Variants in TLCD5 observed in about 807,000 individuals in gnomAD.
The protein encoded by TLCD5 is TLC domain-containing protein 5.
In TLCD5, 15 loss-of-function variants were observed where a neutral mutation model predicts 20.5. That is an observed-to-expected ratio of 0.73 (90% CI 0.49 to 1.13). The LOEUF is 1.13. Among genes scored for constraint, TLCD5 ranks in the 50% most tolerant of loss-of-function variants. The pLI, the probability that TLCD5 is intolerant of heterozygous loss-of-function variation, is 0.00. For missense variants in TLCD5, 289 were observed against 305.6 expected (o/e 0.95, Z 0.41); for synonymous variants, 107 against 114.7 (o/e 0.93, Z 0.43).
At chr11:120,325,390 C>G (rs945508971) in intron 1 of TLCD5, 22 bp downstream of exon 1, 1 of 152,168 alleles carries the variant, frequency 6.6e-6, no homozygotes, top group Non-Finnish European at 1.5e-5. Context: ...GCGCGAACTG[C>G]CCGGCCGGGG....
intron 1 of TLCD5, chr11:120,327,229 A>G (rs1942021423): frequency 2.5e-6 from 2 of 791,782 alleles, no homozygotes; most frequent in East Asian, 2.7e-5. Context: ...AACATTGACC[A>G]GTTGCTAACA....
At position 120,331,972 on chromosome 11, in the gene TLCD5, T is replaced by C. The variant is rs1010211383; in HGVS notation, c.*1457T>C. 1 of 152,162 alleles carries C rather than the reference T, an allele frequency of 6.6e-6. No homozygotes were observed. Among genetic ancestry groups the C allele is most frequent in the Non-Finnish European group, 1.5e-5 (1 of 68,032 alleles). The allele number at this position is 152,162 out of a possible 1,614,324, so 9.4% of individuals were successfully genotyped here. On this transcript the variant is annotated 3_prime_UTR_variant, in exon 3 of 3. Transcript: ENST00000375095. This position sits in a 1 kb window ranked among gnomAD's most constrained non-coding sequence, Gnocchi z 4.5. ...TTTTTTTTTTTCATTTTAGATACTT[T>C]CCCTTTTAGTACTCCTCCTACTTTT...
At position 120,330,085 on chromosome 11, in the gene TLCD5, T is replaced by C. The variant is rs766005626; in HGVS notation, c.308T>C (p.Leu103Pro). ...VYFQSEGALM[L>P]AHHTLSILGI... Reference sequence around the variant, plus strand: ...TTTCAGTCTGAGGGTGCCTTGATGCTGGCTCATCACACATTGAGTATCTTG... The same window carrying C: ...TTTCAGTCTGAGGGTGCCTTGATGCCGGCTCATCACACATTGAGTATCTTG... The change falls in exon 3 of 3, where the codon CTG becomes CCG. Residue 103 changes from leucine to proline, a missense_variant. Physicochemically the swap from Leu to Pro is moderately conservative, Grantham distance 98 (BLOSUM62 -3). Transcript: ENST00000375095. 12 of 1,614,090 alleles carry C rather than the reference T, an allele frequency of 7.4e-6. No homozygotes were observed. The highest frequency in any genetic ancestry group is 7.6e-6 in the Non-Finnish European group (9 of 1,180,042).
rs561839936 is a variant in TLCD5 at position 120,332,016 on chromosome 11, G to A, written c.*1501G>A. The stretch of plus-strand genomic sequence containing the variant: ...TACTTTTCTTATTTTTACTAAAAAG[G>A]TACCACTCTATGAACAAACTAATAA... On this transcript the variant is annotated 3_prime_UTR_variant, in exon 3 of 3. Transcript: ENST00000375095. This position sits in a 1 kb window ranked among gnomAD's most constrained non-coding sequence, Gnocchi z 4.2. 2.8e-4 allele frequency: 43 copies of A among 151,984 alleles called. No individual in the cohort carries two copies. Among genetic ancestry groups the A allele is most frequent in the African/African-American group, 1.0e-3 (42 of 41,418 alleles). The allele number at this position is 151,984 out of a possible 1,614,324, so 9.4% of individuals were successfully genotyped here. A position where few individuals can be genotyped will look rare whatever the true frequency, so the allele number is the denominator to read the frequency against.
At chr11:120,328,804 A>G (rs113901469) in intron 2 of TLCD5, among the ~76,000 whole-genome samples, 4 of 104,254 alleles carry the variant, frequency 3.8e-5, no homozygotes, top group Non-Finnish European at 6.1e-5. Context: ...ATATGTATGC[A>G]TATCTGTGTC....
In TLCD5 at chr11:120,327,047, G is replaced by A. The variant is rs190918782; in HGVS notation, c.-1-394G>A. ...CAGTGTTCTGTTTTTTCATGAGTGC[G>A]TTTCATTGGGGTTTTTGAACTGTGA... On this transcript the variant is annotated intron_variant, in intron 1 of 2. Coordinates refer to ENST00000375095, the MANE Select transcript of TLCD5 (RefSeq NM_001198671.2). The A allele has an allele frequency of 1.9e-3, 517 of 271,124 alleles. 2 individuals are homozygous for A. The highest frequency in any genetic ancestry group is 3.0e-3 in the Non-Finnish European group (428 of 142,650). The allele number at this position is 271,124 out of a possible 1,614,324, so 16.8% of individuals were successfully genotyped here.
intron 1 of TLCD5, among the ~76,000 whole-genome samples, chr11:120,326,041 C>T (rs1271488867): frequency 6.6e-6 from 1 of 152,182 alleles, no homozygotes; most frequent in Non-Finnish European, 1.5e-5. Context: ...ACCTGGGATA[C>T]TTTGTATTTC....
In TLCD5 at chr11:120,330,054, G is replaced by T; in HGVS notation, c.277G>T (p.Val93Phe). The T allele has an allele frequency of 6.2e-7, 1 of 1,614,108 alleles. No individual in the cohort carries two copies. Among genetic ancestry groups the T allele is most frequent in the Non-Finnish European group, 8.5e-7 (1 of 1,180,030 alleles). The change falls in exon 3 of 3, where the codon GTC becomes TTC. Residue 93 changes from valine (V) to phenylalanine (F), a missense_variant. Physicochemically the swap from Val to Phe is conservative, Grantham distance 50 (BLOSUM62 -1). Coordinates refer to ENST00000375095, the MANE Select transcript of TLCD5 (RefSeq NM_001198671.2). ...GYFIFDLGWC[V>F]YFQSEGALML... ...CTTCATCTTCGACTTGGGCTGGTGC[G>T]TCTACTTTCAGTCTGAGGGTGCCTT...
At chr11:120,328,865 A>C (rs12803044) in intron 2 of TLCD5, among the ~76,000 whole-genome samples, 1 of 25,364 alleles carries the variant, frequency 3.9e-5, no homozygotes, top group Non-Finnish European at 7.7e-5. Context: ...GTGTGTGTGT[A>C]TGTATATGTA....
chr11:120,328,933 TG>T (rs1942079447), intron 2 of TLCD5, among the ~76,000 whole-genome samples: 1 of 146,658 alleles, frequency 6.8e-6, no homozygotes, highest in African/African-American at 2.6e-5. Context: ...TGTGTGTGTG[TG>T]TGTGTGTGTG....
Position 120,330,715 on chromosome 11 carries a change from G to A in TLCD5, c.*200G>A. 1.8e-6 allele frequency: 1 copy of A among 564,908 alleles called. No individual in the cohort carries two copies. The highest frequency in any genetic ancestry group is 3.0e-6 in the Non-Finnish European group (1 of 328,678). 35.0% of individuals were successfully genotyped at this position (564,908 alleles called of 1,614,324 possible). On this transcript the variant is annotated 3_prime_UTR_variant, in exon 3 of 3. Coordinates refer to ENST00000375095, the MANE Select transcript of TLCD5 (RefSeq NM_001198671.2). ...TTCTACAGTAGCACAGTTGTAGAAA[G>A]TGAGAATACTCCATGGTAGTTGGGA...
At chr11:120,326,839 AT>A (rs1942012120) in intron 1 of TLCD5, among the ~76,000 whole-genome samples, 1 of 152,180 alleles carries the variant, frequency 6.6e-6, no homozygotes, top group African/African-American at 2.4e-5. Flanking sequence ...TAAAGCCAGG[AT>A]TTCCCCCCAA....
At chr11:120,327,308 A>G in intron 1 of TLCD5, 133 bp from the exon 2 acceptor site, 1 of 1,461,850 alleles carries the variant, frequency 6.8e-7, no homozygotes, top group Non-Finnish European at 9.3e-7. Context: ...GGCCGTGTAG[A>G]TAAGGAAAAT....
rs765127508 is a variant in TLCD5 at position 120,330,528 on chromosome 11, C to G, written c.*13C>G. On this transcript the variant is annotated 3_prime_UTR_variant, in exon 3 of 3. Coordinates refer to ENST00000375095, the MANE Select transcript of TLCD5 (RefSeq NM_001198671.2). ...CAAAATACACTAGCCAAGGCTTGCT[C>G]CAGATTATGGATTGGGTTAAGTCAG... The G allele has an allele frequency of 5.6e-6, 9 of 1,597,434 alleles. No individual in the cohort carries two copies. In the Admixed American group the frequency reaches 1.2e-4, roughly 21 times the overall value.
chr11:120,326,354 A>G (rs1165028313), intron 1 of TLCD5, among the ~76,000 whole-genome samples: 2 of 152,198 alleles, frequency 1.3e-5, no homozygotes, highest in African/African-American at 4.8e-5. Context: ...CTGATTTCAG[A>G]TGAAAGCTGT....
chr11:120,330,389 T>C lies in TLCD5; in HGVS notation c.612T>C (p.Ser204=). Residue 204 remains serine, a synonymous_variant, in exon 3 of 3, where the codon TCT becomes TCC. Transcript: ENST00000375095. ...GGGGAGTAGCGATGTATGCTGTGTCTTGGTGTTTCATGTTTAGCATCTGGC... is the reference window on the plus strand; with the variant it reads ...GGGGAGTAGCGATGTATGCTGTGTCCTGGTGTTTCATGTTTAGCATCTGGC... ...KAGGVAMYAV[S]WCFMFSIWRF... 6.2e-7 allele frequency: 1 copy of C among 1,614,176 alleles called. No individual in the cohort carries two copies. The highest frequency in any genetic ancestry group is 8.5e-7 in the Non-Finnish European group (1 of 1,180,020).
chr11:120,328,842 A>AGTGTGTGTGT (rs67336059), intron 2 of TLCD5, among the ~76,000 whole-genome samples: 4 of 36,824 alleles, frequency 1.1e-4, no homozygotes, highest in African/African-American at 3.7e-4. Flanking sequence ...TAACAGTCAT[A>AGTGTGTGTGT]GTGTGTGTGT....
At chr11:120,327,152 A>G (rs1942019113) in intron 1 of TLCD5, 4 of 573,036 alleles carry the variant, frequency 7.0e-6, no homozygotes, top group Non-Finnish European at 1.2e-5. Flanking sequence ...TATTATTGAC[A>G]TTTACTCATC....
chr11:120,329,377 T>G (rs1031490175), intron 2 of TLCD5, among the ~76,000 whole-genome samples: 2 of 152,188 alleles, frequency 1.3e-5, no homozygotes, highest in Non-Finnish European at 2.9e-5. Context: ...ACTGTCAAAC[T>G]AATGAAACCA....
Sources: allele counts gnomAD v4.1 joint callset (sites outside exome capture counted in the v4.1 genomes callset), GRCh38; gene constraint gnomAD v4.1.1; non-coding constraint Gnocchi (gnomAD v3.1); transcripts MANE v1.5; gene names NCBI Gene and HGNC (gene_info 2026-07-23, HGNC 2026-07-21).